The following SMAP1 variants were observed in gnomAD, a reference collection of about 807,000 sequenced individuals.
The protein encoded by SMAP1 is stromal membrane-associated protein 1.
In SMAP1, 24 loss-of-function variants were observed where a neutral mutation model predicts 58.5. That is an observed-to-expected ratio of 0.41 (90% CI 0.30 to 0.58). The LOEUF is 0.58. Among genes scored for constraint, SMAP1 ranks in the 20% least tolerant of loss-of-function variants. The pLI is 0.29. For synonymous variants in SMAP1, 216 were observed against 196.6 expected (o/e 1.10, Z -0.82); for missense variants, 563 against 566.3 (o/e 0.99, Z 0.06).
chr6:70,809,577 A>G (rs1769298539), intron 6 of SMAP1, among the ~76,000 whole-genome samples: 1 of 152,228 alleles, frequency 6.6e-6, no homozygotes, highest in Non-Finnish European at 1.5e-5. Flanking sequence ...TATGTTGTTT[A>G]ACAATCTGAC....
chr6:70,740,676 T>C (rs75341620), intron 2 of SMAP1, among the ~76,000 whole-genome samples: 24 of 152,304 alleles, frequency 1.6e-4, no homozygotes, highest in African/African-American at 5.8e-4. Flanking sequence ...TATGAGAGTT[T>C]GTAGGGGCTA....
intron 3 of SMAP1, among the ~76,000 whole-genome samples, chr6:70,768,647 G>A (rs938225854): frequency 4.0e-5 from 6 of 151,778 alleles, no homozygotes; most frequent in African/African-American, 1.5e-4. Flanking sequence ...CTCTTTTCTT[G>A]TTTATTAGTC....
intron 1 of SMAP1, among the ~76,000 whole-genome samples, chr6:70,711,971 T>C (rs969417391): frequency 6.6e-6 from 1 of 152,214 alleles, no homozygotes; most frequent in Admixed American, 6.5e-5. Context: ...CTGTGTTCAA[T>C]AGAAGTGGTG....
intron 10 of SMAP1, chr6:70,859,534 C>G: frequency 1.6e-6 from 1 of 644,380 alleles, no homozygotes; most frequent in East Asian, 3.0e-5. Flanking sequence ...AGAACACAGT[C>G]TAACTCTGAG....
intron 10 of SMAP1, chr6:70,859,990 A>AAT: frequency 2.2e-6 from 1 of 456,156 alleles, no homozygotes; most frequent in South Asian, 5.7e-5. Context: ...AGTTGTGGTT[A>AAT]ATCTTTGGGG....
chr6:70,861,237 T>C lies in SMAP1; in HGVS notation c.*903T>C, dbSNP rs903012309. 6 of 174,310 alleles carry C rather than the reference T, an allele frequency of 3.4e-5. No individual in the cohort carries two copies. Among genetic ancestry groups the C allele is most frequent in the African/African-American group, 1.2e-4 (5 of 42,204 alleles). 10.8% of individuals were successfully genotyped at this position (174,310 alleles called of 1,614,324 possible). On this transcript the variant is annotated 3_prime_UTR_variant, in exon 11 of 11. Transcript: ENST00000370455. ...CTAACCTTCCAAAAATTACTTAGTA[T>C]TGCAAAGTCAGGAATCATCAGGAAC...
chr6:70,681,897 G>T (rs1023273122), intron 1 of SMAP1, among the ~76,000 whole-genome samples: 1 of 152,062 alleles, frequency 6.6e-6, no homozygotes, highest in Non-Finnish European at 1.5e-5. Flanking sequence ...AGCAGGTAGG[G>T]GTTCCTTTTT....
In SMAP1 at chr6:70,858,605, C is replaced by T. The variant is rs1013557275; in HGVS notation, c.1269+376C>T. ...CCAGCTTGCTGGTGGGACATTTTTA[C>T]AGTCCACTTAGACAACTTAGCTTCA... On this transcript the variant is annotated intron_variant, in intron 10 of 10. Transcript: ENST00000370455. 2.6e-4 allele frequency: 43 copies of T among 163,390 alleles called. 1 individual carries two copies. Among genetic ancestry groups the T allele is most frequent in the Middle Eastern group, 2.9e-3 (1 of 350 alleles). 10.1% of individuals were successfully genotyped at this position (163,390 alleles called of 1,614,324 possible). A position where few individuals can be genotyped will look rare whatever the true frequency, so the allele number is the denominator to read the frequency against.
chr6:70,713,193 G>A (rs75414216), intron 1 of SMAP1, among the ~76,000 whole-genome samples: 3,622 of 152,126 alleles, frequency 0.024, 170 homozygotes, highest in African/African-American at 0.083. Context: ...CTGGGAGTTT[G>A]TCAGTTTTAT....
At chr6:70,685,886 G>GT (rs1766915503) in intron 1 of SMAP1, among the ~76,000 whole-genome samples, 3 of 151,940 alleles carry the variant, frequency 2.0e-5, no homozygotes, top group South Asian at 2.1e-4. Flanking sequence ...GGGAGAAGAG[G>GT]TTTTTTTAAT....
At chr6:70,743,770 A>C (rs1374034418) in intron 2 of SMAP1, among the ~76,000 whole-genome samples, 1 of 152,192 alleles carries the variant, frequency 6.6e-6, no homozygotes, top group African/African-American at 2.4e-5. Flanking sequence ...CATTAAATGC[A>C]TCTTCAAAGA....
intron 2 of SMAP1, among the ~76,000 whole-genome samples, chr6:70,747,133 G>C (rs1766076836): frequency 6.6e-6 from 1 of 152,168 alleles, no homozygotes; most frequent in African/African-American, 2.4e-5. Flanking sequence ...GTAGAACTGG[G>C]TTCTGCTTCT....
At chr6:70,818,680 T>A (rs552101947) in intron 6 of SMAP1, among the ~76,000 whole-genome samples, 2 of 152,040 alleles carry the variant, frequency 1.3e-5, no homozygotes, top group Non-Finnish European at 2.9e-5. Flanking sequence ...GATGCTAAAT[T>A]TGTGGTAATG....
intron 3 of SMAP1, among the ~76,000 whole-genome samples, chr6:70,755,509 C>A (rs747685750): frequency 6.6e-6 from 1 of 151,878 alleles, no homozygotes; most frequent in African/African-American, 2.4e-5. Flanking sequence ...TTTGCTCAAC[C>A]GTAGGCTAAT....
At chr6:70,760,061 C>T (rs948995105) in intron 3 of SMAP1, among the ~76,000 whole-genome samples, 13 of 151,978 alleles carry the variant, frequency 8.6e-5, no homozygotes, top group Non-Finnish European at 1.3e-4. Context: ...CCTCCTGTAT[C>T]GGGACACTTG....
chr6:70,729,796 G>T (rs1204614594), intron 1 of SMAP1, among the ~76,000 whole-genome samples: 3 of 152,232 alleles, frequency 2.0e-5, no homozygotes, highest in Non-Finnish European at 4.4e-5. Context: ...CGTTAGTTAT[G>T]TGAAAGCAAA....
At chr6:70,729,618 A>T (rs62419706) in intron 1 of SMAP1, among the ~76,000 whole-genome samples, 65,992 of 151,724 alleles carry the variant, frequency 0.43, 14,719 homozygotes, top group South Asian at 0.5. Flanking sequence ...TTCTGACTCC[A>T]CGAGGACCCT....
At chr6:70,857,877 A>C in intron 9 of SMAP1, 45 bp from the exon 10 acceptor site, 4 of 1,584,286 alleles carry the variant, frequency 2.5e-6, no homozygotes, top group Non-Finnish European at 3.4e-6. Flanking sequence ...GAGTGCAACT[A>C]CACGTGATAG....
At chr6:70,729,459 T>TTGTGTATG (rs1554194436) in intron 1 of SMAP1, among the ~76,000 whole-genome samples, 3 of 128,164 alleles carry the variant, frequency 2.3e-5, no homozygotes, top group African/African-American at 8.8e-5. Flanking sequence ...AAAAAGAAGG[T>TTGTGTATG]TGTGTGTGTG....
Sources: allele counts gnomAD v4.1 joint callset (sites outside exome capture counted in the v4.1 genomes callset), GRCh38; gene constraint gnomAD v4.1.1; transcripts MANE v1.5; gene names NCBI Gene and HGNC (gene_info 2026-07-23, HGNC 2026-07-21).